The following TTLL5 variants were observed in gnomAD, a reference collection of about 807,000 sequenced individuals.
TTLL5 encodes the protein tubulin polyglutamylase TTLL5.
Under a neutral mutation model 168.4 loss-of-function variants are expected in TTLL5, and 132 were observed. The observed-to-expected ratio is 0.78, with a 90% confidence interval of 0.68 to 0.91. The LOEUF is 0.91. Among genes scored for constraint, TTLL5 ranks in the 40% least tolerant of loss-of-function variants. TTLL5 has a pLI of 0.00. For missense variants in TTLL5, 1,545 were observed against 1,581.5 expected (o/e 0.98, Z 0.39); for synonymous variants, 546 against 558.6 (o/e 0.98, Z 0.32).
At chr14:75,700,175 A>T (rs563691660) in intron 7 of TTLL5, among the ~76,000 whole-genome samples, 1 of 152,356 alleles carries the variant, frequency 6.6e-6, no homozygotes, top group South Asian at 2.1e-4. Flanking sequence ...AGCTGGGCAG[A>T]CATGAGCCGG....
In TTLL5 at chr14:75,902,164, C is replaced by A; in HGVS notation, c.3763C>A (p.Leu1255Met). Reference protein sequence around the residue: ...ASKGSSAEGQLNGLQSSLNPA... With the variant: ...ASKGSSAEGQMNGLQSSLNPA... ...CAGAGGGTCCTCCGCGGAAGGGCAG[C>A]TGAATGGACTCCAGAGCAGCCTTAA... Residue 1255 changes from leucine (L) to methionine (M), a missense_variant, in exon 31 of 32, where the codon CTG becomes ATG. By Grantham distance (15) the Leu-to-Met change is conservative (BLOSUM62 2). Transcript: ENST00000298832. 1 of 1,614,178 alleles carries A rather than the reference C, an allele frequency of 6.2e-7. No homozygotes were observed. The highest frequency in any genetic ancestry group is 2.2e-5 in the East Asian group (1 of 44,876).
intron 6 of TTLL5, 136 bp downstream of exon 6, chr14:75,690,458 T>C (rs1885368741): frequency 8.9e-7 from 1 of 1,127,286 alleles, no homozygotes; most frequent in Non-Finnish European, 1.2e-6. Flanking sequence ...AGTAAAACAG[T>C]TGCAGAGGTA....
rs865949075 is a variant in TTLL5 at position 75,701,099 on chromosome 14, A to G, written c.585+1829A>G. 4.6e-5 allele frequency among the ~76,000 whole-genome samples: 7 copies of G among 150,810 alleles called. No homozygotes were observed. In the South Asian group the frequency reaches 1.3e-3, roughly 27 times the overall value. The stretch of plus-strand genomic sequence containing the variant: ...ATCACAGGTTGAGGTTTATCCATTT[A>G]TTATTCATTTATCTACTGTATTTTT... On this transcript the variant is annotated intron_variant, in intron 7 of 31. Coordinates refer to ENST00000298832, the MANE Select transcript of TTLL5 (RefSeq NM_015072.5).
At chr14:75,901,932 T>C (rs1397897869) in intron 30 of TTLL5, among the ~76,000 whole-genome samples, 1 of 152,158 alleles carries the variant, frequency 6.6e-6, no homozygotes, top group Non-Finnish European at 1.5e-5. Context: ...AAATTAACAA[T>C]AAATCTCAAA....
At chr14:75,856,222 G>C (rs1349210797) in intron 28 of TTLL5, among the ~76,000 whole-genome samples, 1 of 152,194 alleles carries the variant, frequency 6.6e-6, no homozygotes, top group African/African-American at 2.4e-5. Context: ...AATTAGCCGA[G>C]TGTGGTGGCA....
chr14:75,882,999 A>G (rs2031899342), intron 30 of TTLL5, 97 bp downstream of exon 30: 4 of 1,295,660 alleles, frequency 3.1e-6, no homozygotes, highest in Non-Finnish European at 3.2e-6. Flanking sequence ...GTACTGAAGT[A>G]CTGGAAACAA....
At chr14:75,698,672 G>A (rs1221386537) in intron 6 of TTLL5, among the ~76,000 whole-genome samples, 1 of 152,170 alleles carries the variant, frequency 6.6e-6, no homozygotes, top group Admixed American at 6.5e-5. Flanking sequence ...GGAGGCTGAG[G>A]TGGGAGGATT....
chr14:75,773,941 G>T (rs1383933106), intron 21 of TTLL5, among the ~76,000 whole-genome samples: 1 of 38,222 alleles, frequency 2.6e-5, no homozygotes, highest in Non-Finnish European at 6.0e-5. Flanking sequence ...GAGAGAGAGA[G>T]AGAGAGAGAG....
chr14:75,720,865 C>T (rs1026364179), intron 12 of TTLL5, among the ~76,000 whole-genome samples, 162 bp downstream of exon 12: 1 of 152,092 alleles, frequency 6.6e-6, no homozygotes, highest in Admixed American at 6.5e-5. Flanking sequence ...ACTAAGAGGC[C>T]AATAGTGAGC....
chr14:75,942,678 G>T (rs1387372017), intron 31 of TTLL5, among the ~76,000 whole-genome samples: 2 of 152,182 alleles, frequency 1.3e-5, no homozygotes, highest in African/African-American at 4.8e-5. Flanking sequence ...TCATAGTGCA[G>T]TTTACCTTGG....
At chr14:75,754,710 G>A (rs763692256) in intron 18 of TTLL5, among the ~76,000 whole-genome samples, 2 of 152,156 alleles carry the variant, frequency 1.3e-5, no homozygotes, top group Non-Finnish European at 2.9e-5. Flanking sequence ...ATTTCAAACA[G>A]TGATAAATAT....
intron 28 of TTLL5, among the ~76,000 whole-genome samples, chr14:75,827,899 G>A (rs184836629): frequency 4.6e-5 from 7 of 151,372 alleles, no homozygotes; most frequent in Admixed American, 4.0e-4. Flanking sequence ...TGTATTTTTT[G>A]TAGAGAGGGG....
Position 75,820,039 on chromosome 14 carries a change from A to G in TTLL5, c.3204A>G (p.Ile1068Met). 1 of 1,606,206 alleles carries G rather than the reference A, an allele frequency of 6.2e-7. No homozygotes were observed. Among genetic ancestry groups the G allele is most frequent in the Non-Finnish European group, 8.5e-7 (1 of 1,176,678 alleles). The change falls in exon 28 of 32, where the codon ATA becomes ATG. Residue 1068 changes from isoleucine to methionine, a missense_variant. By Grantham distance (10) the Ile-to-Met change is conservative (BLOSUM62 1). Coordinates refer to ENST00000298832, the MANE Select transcript of TTLL5 (RefSeq NM_015072.5). Reference protein sequence around the residue: ...VTNLNLATGIINRSSASAPPT... With the variant: ...VTNLNLATGIMNRSSASAPPT... ...ACCTGAATTTGGCAACTGGCATCAT[A>G]AACAGAAGCAGTGCTTCAGCTCCCC...
rs375879830 is a variant in TTLL5, at chr14:75,674,938, A to G, written c.181+5416A>G. ...AATATAAAAAAACCATTAATATTTT[A>G]TATCTAGTATATATTTTAACATAAC... is the stretch of plus-strand genomic sequence containing the variant. On this transcript the variant is annotated intron_variant, in intron 3 of 31. Transcript: ENST00000298832. Among the ~76,000 whole-genome samples the G allele has an allele frequency of 2.0e-3, 299 of 152,166 alleles. 3 individuals are homozygous for G. The highest frequency in any genetic ancestry group is 0.016 in the South Asian group (79 of 4,822).
Position 75,782,513 on chromosome 14 carries a change from G to A in TTLL5, c.2542G>A (p.Val848Met). The change falls in exon 25 of 32, where the codon GTG becomes ATG. Residue 848 changes from valine to methionine, a missense_variant. Transcript: ENST00000298832. ...GDHPETIMEE[V>M]KIKPPKQQQT... ...TCACCCTGAGACTATAATGGAAGAA[G>A]TGAAAATAAAGCCACCTAAACAGCA... The A allele has an allele frequency of 1.9e-6, 3 of 1,613,840 alleles. No individual in the cohort carries two copies. Among genetic ancestry groups the A allele is most frequent in the East Asian group, 4.5e-5 (2 of 44,822 alleles).
chr14:75,924,673 A>G (rs1053777162), intron 31 of TTLL5, among the ~76,000 whole-genome samples: 1 of 151,982 alleles, frequency 6.6e-6, no homozygotes, highest in East Asian at 1.9e-4. Flanking sequence ...AAAGTCTCCC[A>G]TGACTACTTC....
rs373075435 is a variant in TTLL5 at position 75,783,840 on chromosome 14, G to A, written c.2986+310G>A. On this transcript the variant is annotated intron_variant, in intron 26 of 31. Transcript: ENST00000298832. ...GTCACAGATAACCATCTATGAGTGT[G>A]CTATATGCATTCTCTGTGCTTCAAA... is the stretch of plus-strand genomic sequence containing the variant. Among the ~76,000 whole-genome samples the A allele has an allele frequency of 1.4e-4, 21 of 152,298 alleles. No individual in the cohort carries two copies. In the East Asian group the frequency reaches 3.1e-3, roughly 22 times the overall value.
intron 31 of TTLL5, among the ~76,000 whole-genome samples, chr14:75,906,905 A>C (rs1055050459): frequency 2.6e-5 from 4 of 152,210 alleles, no homozygotes; most frequent in Non-Finnish European, 5.9e-5. Context: ...TGGCAGTAAG[A>C]ACTTTCTCTA....
At chr14:75,889,872 G>A (rs1338731140) in intron 30 of TTLL5, among the ~76,000 whole-genome samples, 3 of 147,072 alleles carry the variant, frequency 2.0e-5, no homozygotes, top group African/African-American at 7.5e-5. Flanking sequence ...AAGAAGCGAG[G>A]GAGGGAGGGA....
Sources: gnomAD v4.1 joint callset for allele counts (sites outside exome capture counted in the v4.1 genomes callset) on GRCh38, gnomAD v4.1.1 for gene constraint, MANE v1.5 for transcripts, NCBI Gene and HGNC (gene_info 2026-07-23, HGNC 2026-07-21) for gene names.